Variants in TNRC6A observed in about 807,000 individuals in gnomAD.
The protein encoded by TNRC6A is trinucleotide repeat containing adaptor 6A.
Under a neutral mutation model 221.2 loss-of-function variants are expected in TNRC6A, and 44 were observed. The ratio of observed to expected loss-of-function variants is 0.20; its 90% CI spans 0.16 to 0.26. The LOEUF is 0.26. Ranked by LOEUF, TNRC6A falls within the 10% of genes least tolerant of loss-of-function variation. The pLI, the probability that TNRC6A is intolerant of heterozygous loss-of-function variation, is 1.00. For synonymous variants in TNRC6A, 847 were observed against 838.5 expected (o/e 1.01, Z -0.18); for missense variants, 2,199 against 2,404.4 (o/e 0.91, Z 1.79).
At chr16:24,639,396 C>T (rs995540722) in intron 1 of TNRC6A, among the ~76,000 whole-genome samples, 7 of 152,038 alleles carry the variant, frequency 4.6e-5, no homozygotes, top group East Asian at 1.9e-4. Context: ...AGGAAGCTGA[C>T]GTAGGAGGAT....
rs925631980 is a variant in TNRC6A, at chr16:24,823,308, G to A, written c.5514-124G>A. On this transcript the variant is annotated intron_variant, in intron 24 of 24. Coordinates refer to ENST00000395799, the MANE Select transcript of TNRC6A (RefSeq NM_014494.4). This position sits in a 1 kb window ranked among gnomAD's most constrained non-coding sequence, Gnocchi z 4.3. ...AGGGAGGGCACGCAGGTTATGTGGT[G>A]TAGTCTCTCCCTCTGTGCCTTCTGT... is the stretch of plus-strand genomic sequence containing the variant. 15 of 1,227,918 alleles carry A rather than the reference G, an allele frequency of 1.2e-5. No individual in the cohort carries two copies. Among genetic ancestry groups the A allele is most frequent in the African/African-American group, 1.5e-5 (1 of 66,264 alleles). 76.1% of individuals were successfully genotyped at this position (1,227,918 alleles called of 1,614,324 possible).
At chr16:24,672,278 C>T (rs184826847) in intron 2 of TNRC6A, among the ~76,000 whole-genome samples, 56 of 152,082 alleles carry the variant, frequency 3.7e-4, no homozygotes, top group African/African-American at 9.9e-4. Flanking sequence ...CACGCCGCCA[C>T]GCCTGGCTAA....
At chr16:24,798,574 T>C (rs2058267082) in intron 11 of TNRC6A, among the ~76,000 whole-genome samples, 1 of 152,198 alleles carries the variant, frequency 6.6e-6, no homozygotes, top group African/African-American at 2.4e-5. Flanking sequence ...ACACTGAAGA[T>C]AGCAAAACCA....
At position 24,729,749 on chromosome 16, in the gene TNRC6A, C is replaced by T. The variant is rs2056575414; in HGVS notation, c.-93C>T. The T allele has an allele frequency of 2.3e-6, 3 of 1,303,206 alleles. No individual in the cohort carries two copies. The highest frequency in any genetic ancestry group is 3.9e-5 in the Admixed American group (1 of 25,568). 80.7% of individuals were successfully genotyped at this position (1,303,206 alleles called of 1,614,324 possible). A position where few individuals can be genotyped will look rare whatever the true frequency, so the allele number is the denominator to read the frequency against. On this transcript the variant is annotated 5_prime_UTR_variant, in exon 1 of 25. The change creates a premature stop within an existing upstream ORF in the 5' untranslated region. Coordinates refer to ENST00000395799, the MANE Select transcript of TNRC6A (RefSeq NM_014494.4). ...GTCGGTGTAGAAAATGGCGCTGGTG[C>T]AGCGGCTCGGGCCTCTCCCCGCGGC... is the stretch of plus-strand genomic sequence containing the variant.
chr16:24,636,814 G>C (rs1410813056), intron 1 of TNRC6A, among the ~76,000 whole-genome samples: 1 of 152,158 alleles, frequency 6.6e-6, no homozygotes, highest in East Asian at 1.9e-4. Flanking sequence ...TGTAAATCCA[G>C]AAAGTTCAGA....
chr16:24,729,592 T>TA, upstream of TNRC6A: 1 of 402,298 alleles, frequency 2.5e-6, no homozygotes, highest in Non-Finnish European at 4.3e-6. Context: ...TGCTAGGGCC[T>TA]CCATCTTGGG....
chr16:24,726,817 T>C (rs928827157), upstream of TNRC6A, among the ~76,000 whole-genome samples: 55 of 152,122 alleles, frequency 3.6e-4, no homozygotes, highest in African/African-American at 1.3e-3. Flanking sequence ...GAAAAGATAG[T>C]AACAGGAAAA....
intron 1 of TNRC6A, among the ~76,000 whole-genome samples, chr16:24,628,490 C>T (rs1308778993): frequency 6.6e-6 from 1 of 152,120 alleles, no homozygotes; most frequent in Non-Finnish European, 1.5e-5. Context: ...TTTCTACCTT[C>T]TCCACCTCTG....
chr16:24,791,461 C>G lies in TNRC6A; in HGVS notation c.2819C>G (p.Pro940Arg). 6.5e-7 allele frequency: 1 copy of G among 1,531,292 alleles called. No homozygotes were observed. Among genetic ancestry groups the G allele is most frequent in the South Asian group, 1.3e-5 (1 of 75,972 alleles). The allele number at this position is 1,531,292 out of a possible 1,614,324, so 94.9% of individuals were successfully genotyped here. A position where few individuals can be genotyped will look rare whatever the true frequency, so the allele number is the denominator to read the frequency against. Residue 940 changes from proline to arginine, a missense_variant, in exon 6 of 25, where the codon CCA becomes CGA. By Grantham distance (103) the Pro-to-Arg change is moderately radical (BLOSUM62 -2). Transcript: ENST00000395799. ...CTAGGTTGGGGAGATTCGTCAAAGC[C>G]AGTCAGCTCTCCAGACTGGAACAAG... ...QSLGWGDSSKPVSSPDWNKQQ... is the reference protein window; with the variant it reads ...QSLGWGDSSKRVSSPDWNKQQ...
chr16:24,706,572 C>T lies in TNRC6A; in HGVS notation n.403-44154C>T, dbSNP rs192396687. 7.9e-5 allele frequency among the ~76,000 whole-genome samples: 12 copies of T among 151,462 alleles called. No individual in the cohort carries two copies. In the East Asian group the frequency reaches 1.2e-3, roughly 15 times the overall value. On this transcript the variant is annotated intron_variant and non_coding_transcript_variant, in intron 2 of 2. Coordinates refer to the TNRC6A transcript ENST00000566108. ...TAAAAATACAAAAAATAAAATTAGCCGGGCGTAGTGGCGGGCGCCTGAAGC... is the reference window on the plus strand; with the variant it reads ...TAAAAATACAAAAAATAAAATTAGCTGGGCGTAGTGGCGGGCGCCTGAAGC...
chr16:24,730,496 TAAAAAA>T (rs371676645), intron 2 of TNRC6A, among the ~76,000 whole-genome samples, 196 bp downstream of exon 2: 1 of 135,156 alleles, frequency 7.4e-6, no homozygotes, highest in African/African-American at 2.7e-5. Flanking sequence ...TTTCTTTCTT[TAAAAAA>T]AAAAAAAAAA....
At chr16:24,731,689 A>C (rs544158329) in intron 2 of TNRC6A, among the ~76,000 whole-genome samples, 6 of 152,250 alleles carry the variant, frequency 3.9e-5, no homozygotes, top group Admixed American at 6.5e-5. Flanking sequence ...TCAGGTAACT[A>C]TATCAGTATA....
rs951263993 is a variant in TNRC6A, at chr16:24,775,393, GA to G, written c.164-1529del. Among the ~76,000 whole-genome samples, 32 of 148,290 alleles carry G rather than the reference GA, an allele frequency of 2.2e-4. 2 individuals are homozygous for G. Among genetic ancestry groups the G allele is most frequent in the South Asian group, 2.2e-3 (10 of 4,644 alleles). On this transcript the variant is annotated intron_variant, in intron 4 of 24. Transcript: ENST00000395799. The stretch of plus-strand genomic sequence containing the variant: ...ACTTTAGAAAAATGGAAGTCACATG[GA>G]AAAAAAAAAAGAGGCTAAGATCATA...
At chr16:24,722,253 G>C (rs1275889672) in intron 2 of TNRC6A, among the ~76,000 whole-genome samples, 1 of 151,962 alleles carries the variant, frequency 6.6e-6, no homozygotes, top group Non-Finnish European at 1.5e-5. Flanking sequence ...TCTATAAAAA[G>C]TAATAAAAAA....
chr16:24,691,496 C>T (rs770854688), intron 2 of TNRC6A, among the ~76,000 whole-genome samples: 56 of 152,184 alleles, frequency 3.7e-4, no homozygotes, highest in Non-Finnish European at 6.8e-4. Context: ...GGGCCAGACG[C>T]GGTGGCTCAC....
chr16:24,804,330 T>A lies in TNRC6A; in HGVS notation c.3837+11T>A. ...CCTTATTTTGATAAGGTAAGGTTTTTTACTTTTACCTCTGACTTGATAAAC... is the reference window on the plus strand; with the variant it reads ...CCTTATTTTGATAAGGTAAGGTTTTATACTTTTACCTCTGACTTGATAAAC... On this transcript the variant is annotated intron_variant, in intron 12 of 24. Coordinates refer to ENST00000395799, the MANE Select transcript of TNRC6A (RefSeq NM_014494.4). 1 of 1,608,994 alleles carries A rather than the reference T, an allele frequency of 6.2e-7. No individual in the cohort carries two copies. Among genetic ancestry groups the A allele is most frequent in the Non-Finnish European group, 8.5e-7 (1 of 1,178,996 alleles).
intron 6 of TNRC6A, 128 bp downstream of exon 6, chr16:24,791,945 A>G (rs1045360467): frequency 1.2e-5 from 12 of 1,033,992 alleles, no homozygotes; most frequent in Admixed American, 1.1e-4. Flanking sequence ...CTTGAAAAAA[A>G]TTATAGGGGT....
Position 24,790,924 on chromosome 16 carries a change from T to C in TNRC6A, c.2282T>C (p.Phe761Ser). ...EAWGSSATQT[F>S]NSGACIDKTS... ...TGGGGAAGCTCTGCAACACAGACTT[T>C]TAACTCAGGGGCATGTATAGATAAG... Residue 761 changes from phenylalanine (F) to serine (S), a missense_variant, in exon 6 of 25, where the codon TTT becomes TCT. By Grantham distance (155) the Phe-to-Ser change is radical. This residue lies in a region of TNRC6A where 1,405 missense variants were observed against 1,400.2 expected (regional missense o/e 1.00). Transcript: ENST00000395799. 1 of 1,613,992 alleles carries C rather than the reference T, an allele frequency of 6.2e-7. No individual in the cohort carries two copies. The highest frequency in any genetic ancestry group is 8.5e-7 in the Non-Finnish European group (1 of 1,179,964).
intron 17 of TNRC6A, among the ~76,000 whole-genome samples, chr16:24,807,130 C>A (rs1300849925): frequency 6.6e-6 from 1 of 151,942 alleles, no homozygotes; most frequent in Non-Finnish European, 1.5e-5. Context: ...CTCAGCTTCC[C>A]GAGTAGCTGG....
Sources: allele counts gnomAD v4.1 joint callset (sites outside exome capture counted in the v4.1 genomes callset), GRCh38; gene constraint gnomAD v4.1.1; regional missense constraint gnomAD v4.1.1; non-coding constraint Gnocchi (gnomAD v3.1); transcripts MANE v1.5; gene names NCBI Gene and HGNC (gene_info 2026-07-23, HGNC 2026-07-21).